Variants in NT5E observed in about 807,000 individuals in gnomAD.
NT5E encodes the protein 5'-nucleotidase ecto.
A neutral mutation model predicts 55.1 loss-of-function variants in NT5E; 53 were observed. The ratio of observed to expected loss-of-function variants is 0.96; its 90% confidence interval spans 0.77 to 1.21. The LOEUF is 1.21. Ranked by LOEUF, NT5E falls within the 50% of genes most tolerant of loss-of-function variation. The probability of loss-of-function intolerance (pLI) is 0.00; values close to 1 mark genes in which losing one functional copy is unlikely to be tolerated. For synonymous variants in NT5E, 270 were observed against 278.4 expected (o/e 0.97, Z 0.30); for missense variants, 683 against 724.3 (o/e 0.94, Z 0.65).
At chr6:85,472,639 T>C (rs1769338996) in intron 3 of NT5E, among the ~76,000 whole-genome samples, 1 of 152,152 alleles carries the variant, frequency 6.6e-6, no homozygotes, top group African/African-American at 2.4e-5. Context: ...GATGTAAAAA[T>C]ATGTGAAAGC....
chr6:85,476,388 A>G (rs1769436676), intron 3 of NT5E, among the ~76,000 whole-genome samples: 1 of 152,224 alleles, frequency 6.6e-6, no homozygotes. Flanking sequence ...GAGGGAGAGC[A>G]CATAGGTGAG....
chr6:85,494,479 T>C lies in NT5E; in HGVS notation c.*475T>C, dbSNP rs1457370834. The C allele has an allele frequency of 5.5e-6, 1 of 183,380 alleles. No homozygotes were observed. The highest frequency in any genetic ancestry group is 1.2e-5 in the Non-Finnish European group (1 of 86,830). 11.4% of individuals were successfully genotyped at this position (183,380 alleles called of 1,614,324 possible). On this transcript the variant is annotated 3_prime_UTR_variant, in exon 9 of 9. Transcript: ENST00000257770. ...AGCTCAAAAAGGGTTGACTTGACCA[T>C]ACAGCTAATGCTGACAGATCCAAGA... is the stretch of plus-strand genomic sequence containing the variant.
chr6:85,489,462 G>A (rs376532045), intron 5 of NT5E, 32 bp from the exon 6 acceptor site: 2 of 1,456,042 alleles, frequency 1.4e-6, no homozygotes, highest in Non-Finnish European at 1.9e-6. Context: ...AAGAGCCAGA[G>A]TAACTAGTGT....
intron 3 of NT5E, among the ~76,000 whole-genome samples, chr6:85,472,274 T>C (rs988774691): frequency 3.9e-5 from 6 of 152,204 alleles, no homozygotes; most frequent in Admixed American, 1.3e-4. Context: ...ACCATCCTTA[T>C]GTGGGCTGTC....
At chr6:85,487,154 T>C (rs1769685366) in intron 4 of NT5E, among the ~76,000 whole-genome samples, 181 bp from the exon 5 acceptor site, 1 of 152,248 alleles carries the variant, frequency 6.6e-6, no homozygotes, top group South Asian at 2.1e-4. Flanking sequence ...TTCCAGGTCT[T>C]ATTACCAGGA....
At chr6:85,486,015 C>T (rs1378804804) in intron 4 of NT5E, among the ~76,000 whole-genome samples, 1 of 152,190 alleles carries the variant, frequency 6.6e-6, no homozygotes, top group Non-Finnish European at 1.5e-5. Flanking sequence ...TCACTGCCTT[C>T]TGGTCCTGCG....
At chr6:85,474,933 T>TCAACAACAG (rs768144462) in intron 3 of NT5E, among the ~76,000 whole-genome samples, 12 of 152,042 alleles carry the variant, frequency 7.9e-5, no homozygotes, top group Non-Finnish European at 1.8e-4. Context: ...AAACCCTGTC[T>TCAACAACAG]CAACAACAGC....
At chr6:85,451,664 A>G (rs1020451047) in intron 1 of NT5E, among the ~76,000 whole-genome samples, 1 of 152,228 alleles carries the variant, frequency 6.6e-6, no homozygotes, top group Non-Finnish European at 1.5e-5. Context: ...GAAATCTGTG[A>G]AGTCCACAAG....
intron 6 of NT5E, among the ~76,000 whole-genome samples, chr6:85,490,026 C>T (rs1769748942): frequency 6.6e-6 from 1 of 152,148 alleles, no homozygotes; most frequent in South Asian, 2.1e-4. Context: ...TACAGATATC[C>T]AAGATTATAT....
rs1407600643 is a variant in NT5E at position 85,467,124 on chromosome 6, C to G, written c.404C>G (p.Ala135Gly). The change falls in exon 2 of 9, where the codon GCC becomes GGC. Residue 135 changes from alanine to glycine, a missense_variant. Ala to Gly is a moderately conservative substitution (Grantham distance 60, BLOSUM62 0). Coordinates refer to ENST00000257770, the MANE Select transcript of NT5E (RefSeq NM_002526.4). Reference protein sequence around the residue: ...EGLIEPLLKEAKFPILSANIK... With the variant: ...EGLIEPLLKEGKFPILSANIK... ...CTGATCGAGCCACTCCTCAAAGAGGCCAAATTTCCAATTCTGAGTGCAAAC... is the reference window on the plus strand; with the variant it reads ...CTGATCGAGCCACTCCTCAAAGAGGGCAAATTTCCAATTCTGAGTGCAAAC... 9 of 1,614,038 alleles carry G rather than the reference C, an allele frequency of 5.6e-6. No individual in the cohort carries two copies. Among genetic ancestry groups the G allele is most frequent in the Admixed American group, 1.7e-5 (1 of 60,008 alleles).
Position 85,471,386 on chromosome 6 carries a change from G to A in NT5E, c.712G>A (p.Val238Ile), listed in dbSNP as rs550591725. The change falls in exon 3 of 9, where the codon GTC becomes ATC. Residue 238 changes from valine to isoleucine, a missense_variant. By Grantham distance (29) the Val-to-Ile change is conservative (BLOSUM62 3). Coordinates refer to ENST00000257770, the MANE Select transcript of NT5E (RefSeq NM_002526.4). ...LIAQKVRGVD[V>I]VVGGHSNTFL... ...CGCTCAGAAAGTGAGGGGTGTGGAC[G>A]TCGTGGTGGGAGGACACTCCAACAC... 5.0e-6 allele frequency: 8 copies of A among 1,612,708 alleles called. No homozygotes were observed. The highest frequency in any genetic ancestry group is 2.7e-5 in the African/African-American group (2 of 74,892).
chr6:85,466,079 G>A (rs181404849), intron 1 of NT5E, among the ~76,000 whole-genome samples: 99 of 152,294 alleles, frequency 6.5e-4, no homozygotes, highest in African/African-American at 2.2e-3. Context: ...GTATCCAGGA[G>A]GCCAATGGAG....
intron 1 of NT5E, among the ~76,000 whole-genome samples, chr6:85,462,849 G>T (rs1582371707): frequency 6.6e-6 from 1 of 152,368 alleles, no homozygotes; most frequent in Middle Eastern, 3.4e-3. Context: ...CAGGTGAAAA[G>T]CTTAGCCAGC....
intron 3 of NT5E, among the ~76,000 whole-genome samples, chr6:85,482,380 G>T (rs1032916009): frequency 6.6e-6 from 1 of 151,032 alleles, no homozygotes; most frequent in South Asian, 2.1e-4. Context: ...AGGAAGGAAG[G>T]AGGGAAAAAA....
intron 4 of NT5E, 61 bp downstream of exon 4, chr6:85,485,493 T>C: frequency 6.6e-7 from 1 of 1,517,954 alleles, no homozygotes; most frequent in Non-Finnish European, 9.1e-7. Flanking sequence ...GATATTTTGC[T>C]CCTTCCCATT....
At chr6:85,466,407 C>T (rs911290104) in intron 1 of NT5E, among the ~76,000 whole-genome samples, 2 of 152,172 alleles carry the variant, frequency 1.3e-5, no homozygotes, top group African/African-American at 4.8e-5. Flanking sequence ...TGTGAAACTG[C>T]TGGGACTGGA....
In NT5E at chr6:85,493,961, T is replaced by C. The variant is rs1271357264; in HGVS notation, c.1682T>C (p.Ile561Thr). 6.2e-6 allele frequency: 10 copies of C among 1,613,978 alleles called. No homozygotes were observed. The highest frequency in any genetic ancestry group is 7.6e-6 in the Non-Finnish European group (9 of 1,179,980). Reference protein sequence around the residue: ...GSHCHGSFSLIFLSLWAVIFV... With the variant: ...GSHCHGSFSLTFLSLWAVIFV... ...CACTGCCATGGAAGCTTTTCTTTAA[T>C]ATTTCTTTCACTTTGGGCAGTGATC... is the stretch of plus-strand genomic sequence containing the variant. Residue 561 changes from isoleucine to threonine, a missense_variant, in exon 9 of 9, where the codon ATA (isoleucine) becomes ACA (threonine). Ile to Thr is a moderately conservative substitution (Grantham distance 89, BLOSUM62 -1). Coordinates refer to ENST00000257770, the MANE Select transcript of NT5E (RefSeq NM_002526.4).
At chr6:85,490,710 T>C in intron 7 of NT5E, 53 bp downstream of exon 7, 1 of 1,605,926 alleles carries the variant, frequency 6.2e-7, no homozygotes, top group Non-Finnish European at 8.5e-7. Context: ...TGGCATTTCC[T>C]GCTGGTTGGC....
Position 85,492,110 on chromosome 6 carries a change from A to C in NT5E, c.1494A>C (p.Pro498=). The C allele has an allele frequency of 6.2e-7, 1 of 1,614,232 alleles. No homozygotes were observed. The highest frequency in any genetic ancestry group is 8.5e-7 in the Non-Finnish European group (1 of 1,180,026). ...ACGAGGTATATAAGGTGATCCTCCC[A>C]AACTTCCTGGCCAATGGTGGAGATG... ...KMDEVYKVIL[P]NFLANGGDGF... Residue 498 remains proline, a synonymous_variant, in exon 8 of 9, where the codon CCA becomes CCC. Transcript: ENST00000257770.
Sources: allele counts gnomAD v4.1 joint callset (sites outside exome capture counted in the v4.1 genomes callset), GRCh38; gene constraint gnomAD v4.1.1; transcripts MANE v1.5; gene names NCBI Gene and HGNC (gene_info 2026-07-23, HGNC 2026-07-21).